ROCK2: variants seen among roughly 807,000 people sequenced by gnomAD.
The protein encoded by ROCK2 is rho-associated protein kinase 2.
ROCK2 carries 61 observed loss-of-function variants against 195.1 expected under a neutral mutation model. The observed-to-expected ratio is 0.31, with a 90% CI of 0.25 to 0.39. ROCK2 has a LOEUF of 0.39. Ranked by LOEUF, ROCK2 falls within the 10% of genes least tolerant of loss-of-function variation. The pLI, the probability that ROCK2 is intolerant of heterozygous loss-of-function variation, is 1.00. For missense variants in ROCK2, 1,109 were observed against 1,637.4 expected, an observed-to-expected ratio of 0.68 and a Z score of 5.57; for synonymous variants, 504 against 545.5, an observed-to-expected ratio of 0.92 and a Z score of 1.06.
At chr2:11,199,668 T>A (rs1274083364) in intron 23 of ROCK2, among the ~76,000 whole-genome samples, 1 of 152,148 alleles carries the variant, frequency 6.6e-6, no homozygotes, top group Non-Finnish European at 1.5e-5. Context: ...TTTCTGTAAT[T>A]GTTTTCACTC....
At chr2:11,246,055 T>C (rs1012408295) in intron 4 of ROCK2, among the ~76,000 whole-genome samples, 5 of 152,144 alleles carry the variant, frequency 3.3e-5, no homozygotes, top group Non-Finnish European at 5.9e-5. Flanking sequence ...AAGTATCATT[T>C]GACAAATCTT....
chr2:11,218,815 C>A (rs1664520927), intron 10 of ROCK2, 151 bp downstream of exon 10: 1 of 506,358 alleles, frequency 2.0e-6, no homozygotes, highest in Admixed American at 3.7e-5. Context: ...ATAAATCAAT[C>A]ATTGCAATGC....
chr2:11,264,092 G>A (rs1406788484), intron 3 of ROCK2, among the ~76,000 whole-genome samples: 1 of 152,098 alleles, frequency 6.6e-6, no homozygotes, highest in Non-Finnish European at 1.5e-5. Flanking sequence ...TCAAGCAGGA[G>A]GAAGATGGTC....
At chr2:11,310,256 G>A (rs1405627908) in intron 1 of ROCK2, among the ~76,000 whole-genome samples, 1 of 152,038 alleles carries the variant, frequency 6.6e-6, no homozygotes, top group Non-Finnish European at 1.5e-5. Flanking sequence ...CCTGGTGTTA[G>A]CACTGATTAC....
At chr2:11,298,811 G>A (rs1349624996) in intron 1 of ROCK2, among the ~76,000 whole-genome samples, 1 of 152,160 alleles carries the variant, frequency 6.6e-6, no homozygotes, top group Non-Finnish European at 1.5e-5. Context: ...TTTTGAGTGA[G>A]AAGAGGAGAG....
intron 1 of ROCK2, among the ~76,000 whole-genome samples, chr2:11,338,215 G>A (rs913831913): frequency 2.6e-5 from 4 of 152,168 alleles, no homozygotes; most frequent in Middle Eastern, 3.4e-3. Context: ...GCCAATTACA[G>A]TGGCACAGGC....
Position 11,249,976 on chromosome 2 carries a change from CTAAG to C in ROCK2, c.325-182_325-179del, listed in dbSNP as rs1224129485. Among the ~76,000 whole-genome samples, 11 of 152,092 alleles carry C rather than the reference CTAAG, an allele frequency of 7.2e-5. No homozygotes were observed. In the East Asian group the frequency reaches 1.9e-3, roughly 27 times the overall value. On this transcript the variant is annotated intron_variant, in intron 3 of 32. Transcript: ENST00000315872. ...AACAAAGGAGAACATTTCTAACAACCTAAGTATTTCATGAAATATGTAATACTTT... is the reference window on the plus strand; with the variant it reads ...AACAAAGGAGAACATTTCTAACAACCTATTTCATGAAATATGTAATACTTT...
At chr2:11,243,974 A>C (rs1400263878) in intron 4 of ROCK2, among the ~76,000 whole-genome samples, 1 of 152,188 alleles carries the variant, frequency 6.6e-6, no homozygotes, top group African/African-American at 2.4e-5. Context: ...TTAGTGGATA[A>C]TTATAGTACG....
At chr2:11,213,254 G>A (rs909617881) in intron 17 of ROCK2, among the ~76,000 whole-genome samples, 12 of 152,062 alleles carry the variant, frequency 7.9e-5, no homozygotes, top group African/African-American at 2.7e-4. Flanking sequence ...AGTATACAGC[G>A]ATCTATCTTT....
chr2:11,196,407 A>C (rs934331964), intron 27 of ROCK2, among the ~76,000 whole-genome samples: 4 of 152,216 alleles, frequency 2.6e-5, no homozygotes, highest in Non-Finnish European at 5.9e-5. Flanking sequence ...TCTTGGTTGA[A>C]AATGGCTAAA....
At chr2:11,289,314 T>A (rs1667292245) in intron 1 of ROCK2, among the ~76,000 whole-genome samples, 1 of 152,210 alleles carries the variant, frequency 6.6e-6, no homozygotes, top group Non-Finnish European at 1.5e-5. Context: ...TTTCAAGGAT[T>A]CTAACATTTG....
intron 20 of ROCK2, among the ~76,000 whole-genome samples, chr2:11,207,370 C>T (rs1572242669): frequency 6.6e-6 from 1 of 152,182 alleles, no homozygotes; most frequent in African/African-American, 2.4e-5. Flanking sequence ...AACAGTCAAA[C>T]ATTTCCAAGT....
chr2:11,313,063 C>T (rs1363677561), intron 1 of ROCK2, among the ~76,000 whole-genome samples: 1 of 152,078 alleles, frequency 6.6e-6, no homozygotes, highest in Non-Finnish European at 1.5e-5. Context: ...TGATATTACA[C>T]ATCTGTCAAA....
chr2:11,258,461 C>A (rs1481081064), intron 3 of ROCK2, among the ~76,000 whole-genome samples: 3 of 151,310 alleles, frequency 2.0e-5, no homozygotes, highest in Non-Finnish European at 4.4e-5. Context: ...TAAAATGTTC[C>A]CCATATTATT....
At position 11,224,206 on chromosome 2, in the gene ROCK2, T is replaced by C; in HGVS notation, c.1007+116A>G. On this transcript the variant is annotated intron_variant, in intron 7 of 32. Coordinates refer to ENST00000315872, the MANE Select transcript of ROCK2 (RefSeq NM_004850.5). ...AGGAAAAGGCTAACCCAGAATTAGA[T>C]GCTACTTGGGTAATGAGAGGCAGAC... is the stretch of plus-strand genomic sequence containing the variant. The C allele has an allele frequency of 3.1e-6, 3 of 970,224 alleles. No homozygotes were observed. The African/African-American group carries it at 5.0e-5, about 16-fold the overall frequency. The allele number at this position is 970,224 out of a possible 1,614,324, so 60.1% of individuals were successfully genotyped here.
In ROCK2 at chr2:11,211,737, GCTAGTCGTGC is replaced by G. The variant is rs1558294834; in HGVS notation, c.2137_2146del (p.Ala713GlnfsTer18). 6.2e-7 allele frequency: 1 copy of G among 1,613,456 alleles called. No individual in the cohort carries two copies. Among genetic ancestry groups the G allele is most frequent in the Admixed American group, 1.7e-5 (1 of 59,934 alleles). On this transcript the variant is annotated frameshift_variant, in exon 18 of 33. Coordinates refer to ENST00000315872, the MANE Select transcript of ROCK2 (RefSeq NM_004850.5). LOFTEE classifies it high-confidence loss of function. ...GGACTCATAGATCTTATTTTTATCT[GCTAGTCGTGC>G]CTTTGTGGCCTTATGTTCAGCTTCT...
At chr2:11,266,923 A>G (rs1031768841) in intron 3 of ROCK2, among the ~76,000 whole-genome samples, 18 of 152,240 alleles carry the variant, frequency 1.2e-4, no homozygotes, top group Non-Finnish European at 2.2e-4. Flanking sequence ...TTGTAGCCAA[A>G]ACAAATTTTG....
At chr2:11,193,467 G>A (rs896974265) in intron 30 of ROCK2, among the ~76,000 whole-genome samples, 3 of 151,592 alleles carry the variant, frequency 2.0e-5, no homozygotes, top group African/African-American at 7.3e-5. Context: ...AAACAGAAAG[G>A]GAAAAATTCA....
intron 4 of ROCK2, among the ~76,000 whole-genome samples, chr2:11,242,450 G>C (rs774159775): frequency 2.0e-5 from 3 of 152,116 alleles, no homozygotes; most frequent in Non-Finnish European, 4.4e-5. Context: ...GGTGCCATGG[G>C]ATACCAAAGC....
Sources: gnomAD v4.1 joint callset for allele counts (sites outside exome capture counted in the v4.1 genomes callset) on GRCh38, gnomAD v4.1.1 for gene constraint, MANE v1.5 for transcripts, NCBI Gene and HGNC (gene_info 2026-07-23, HGNC 2026-07-21) for gene names.